TIPIN: variants seen among roughly 807,000 people sequenced by gnomAD.
TIPIN encodes TIMELESS interacting protein.
A neutral mutation model predicts 35.6 loss-of-function variants in TIPIN; 29 were observed. That is an observed-to-expected ratio of 0.82 (90% CI 0.61 to 1.11). TIPIN has a LOEUF of 1.11. TIPIN is among the 50% of genes most tolerant of loss of function. TIPIN has a pLI of 0.00. For missense variants in TIPIN, 296 were observed against 345.4 expected (o/e 0.86, Z 1.13); for synonymous variants, 102 against 121.5 (o/e 0.84, Z 1.06).
intron 6 of TIPIN, among the ~76,000 whole-genome samples, chr15:66,345,425 G>T (rs915506068): frequency 9.9e-5 from 15 of 152,012 alleles, no homozygotes; most frequent in Admixed American, 7.2e-4. Context: ...ACTAAATTTA[G>T]GCCGGGCACA....
intron 3 of TIPIN, 55 bp from the exon 4 acceptor site, chr15:66,351,655 T>TG (rs1555408403): frequency 1.4e-6 from 2 of 1,439,562 alleles, no homozygotes; most frequent in Non-Finnish European, 1.9e-6. Flanking sequence ...TTTTTTTTTT[T>TG]GAGACGGAGT....
chr15:66,359,708 A>T (rs1332300182), upstream of TIPIN, among the ~76,000 whole-genome samples: 2 of 152,172 alleles, frequency 1.3e-5, no homozygotes, highest in Admixed American at 1.3e-4. Flanking sequence ...TTGTTGAGAC[A>T]AGAGGCATTC....
At chr15:66,337,277 G>T (rs961353004) in intron 7 of TIPIN, 96 bp from the exon 8 acceptor site, 4 of 861,560 alleles carry the variant, frequency 4.6e-6, no homozygotes, top group Non-Finnish European at 7.0e-6. Context: ...TTAGTAAAAT[G>T]AAGTCTAAGA....
intron 1 of TIPIN, among the ~76,000 whole-genome samples, chr15:66,371,040 G>A (rs1161455381): frequency 3.3e-5 from 5 of 151,976 alleles, no homozygotes; most frequent in South Asian, 4.1e-4. Flanking sequence ...GTGAAACCTC[G>A]TCTCTACTAA....
rs1263932759 is a variant in TIPIN, at chr15:66,351,035, A to AT, written c.288+489dup. 3.9e-5 allele frequency among the ~76,000 whole-genome samples: 6 copies of AT among 151,996 alleles called. No individual in the cohort carries two copies. In the East Asian group the frequency reaches 1.2e-3, roughly 29 times the overall value. ...AATATACTATCATCTGCAAAAAATT[A>AT]TACCTACACTCCTACATAATTCAAA... On this transcript the variant is annotated intron_variant, in intron 4 of 7. Coordinates refer to ENST00000261881, the MANE Select transcript of TIPIN (RefSeq NM_017858.3).
At chr15:66,372,721 T>C (rs1485845423) in intron 1 of TIPIN, among the ~76,000 whole-genome samples, 1 of 151,962 alleles carries the variant, frequency 6.6e-6, no homozygotes, top group Admixed American at 6.6e-5. Context: ...CCGGCCAACA[T>C]GGTGAACTCT....
chr15:66,382,624 C>T (rs370384527), intron 1 of TIPIN, among the ~76,000 whole-genome samples: 7 of 151,788 alleles, frequency 4.6e-5, no homozygotes, highest in Admixed American at 2.0e-4. Flanking sequence ...ATCCACCTGC[C>T]TCAGCCTTCC....
At chr15:66,373,476 G>C (rs1379986661) in intron 1 of TIPIN, among the ~76,000 whole-genome samples, 1 of 147,102 alleles carries the variant, frequency 6.8e-6, no homozygotes, top group African/African-American at 2.6e-5. Flanking sequence ...CTGGGCGACA[G>C]AGCGAGACTC....
chr15:66,356,868 G>A (rs1350764207), upstream of TIPIN, among the ~76,000 whole-genome samples: 1 of 152,126 alleles, frequency 6.6e-6, no homozygotes, highest in Non-Finnish European at 1.5e-5. Flanking sequence ...GAGGAACTCA[G>A]TTAAGCCTCC....
At chr15:66,338,813 C>CAAAAAAA (rs35966273) in intron 7 of TIPIN, among the ~76,000 whole-genome samples, 9 of 35,220 alleles carry the variant, frequency 2.6e-4, no homozygotes, top group East Asian at 8.1e-4. Flanking sequence ...GACTCCGTCT[C>CAAAAAAA]AAAAAAAAAA....
In TIPIN at chr15:66,349,098, T is replaced by C. The variant is rs200514985; in HGVS notation, c.437A>G (p.Asp146Gly). ...AAAATCTTCATGTAAAATAGGGAGA[T>C]CAAGTCGAATTCGTTTTAAACAGGT... ...VQTCLKRIRL[D>G]LPILHEDFVS... The change falls in exon 6 of 8, where the codon GAT becomes GGT. Residue 146 changes from aspartate to glycine, a missense_variant. Coordinates refer to ENST00000261881, the MANE Select transcript of TIPIN (RefSeq NM_017858.3). The C allele has an allele frequency of 7.6e-5, 122 of 1,610,472 alleles. No homozygotes were observed. The highest frequency in any genetic ancestry group is 6.7e-5 in the Admixed American group (4 of 59,940).
rs963973471 is a variant in TIPIN at position 66,373,675 on chromosome 15, T to C, written c.-9+12932A>G. The stretch of plus-strand genomic sequence containing the variant: ...CCACATCATTATCAACATTTGATAT[T>C]GTCTTTTTCTTTTTTTATTAATTAA... On this transcript the variant is annotated intron_variant, in intron 1 of 7. Coordinates refer to the TIPIN transcript ENST00000562124. Among the ~76,000 whole-genome samples the C allele has an allele frequency of 1.4e-4, 22 of 152,136 alleles. No homozygotes were observed. In the Middle Eastern group the frequency reaches 0.014, roughly 94 times the overall value.
intron 1 of TIPIN, among the ~76,000 whole-genome samples, chr15:66,365,616 G>A (rs1275963328): frequency 6.6e-6 from 1 of 152,092 alleles, no homozygotes; most frequent in Non-Finnish European, 1.5e-5. Context: ...GCACGATCTC[G>A]GCTCACTGCA....
At position 66,375,388 on chromosome 15, in the gene TIPIN, G is replaced by T. The variant is rs188706244; in HGVS notation, c.-9+11219C>A. 2.7e-5 allele frequency among the ~76,000 whole-genome samples: 4 copies of T among 150,860 alleles called. No homozygotes were observed. In the East Asian group the frequency reaches 8.0e-4, roughly 30 times the overall value. Reference sequence around the variant, plus strand: ...AAGGGTCTTGCTATGTGGCCCAGGTGGGTCTTGAACTCCTGAGCTCAAGCG... The same window carrying T: ...AAGGGTCTTGCTATGTGGCCCAGGTTGGTCTTGAACTCCTGAGCTCAAGCG... On this transcript the variant is annotated intron_variant, in intron 1 of 7. Coordinates refer to the TIPIN transcript ENST00000562124.
At chr15:66,339,057 G>A (rs1057370307) in intron 7 of TIPIN, among the ~76,000 whole-genome samples, 4 of 144,944 alleles carry the variant, frequency 2.8e-5, no homozygotes, top group Admixed American at 7.2e-5. Context: ...GCTTGAACCC[G>A]GGAGGCAGAG....
At chr15:66,340,888 C>T (rs954064895) in intron 7 of TIPIN, among the ~76,000 whole-genome samples, 12 of 152,190 alleles carry the variant, frequency 7.9e-5, no homozygotes, top group Admixed American at 2.0e-4. Context: ...TGAGCCACCA[C>T]GCCTGGCCAG....
At chr15:66,367,222 A>ATATCTATATATCTATATCTG (rs1278520988) in intron 1 of TIPIN, among the ~76,000 whole-genome samples, 1 of 147,998 alleles carries the variant, frequency 6.8e-6, no homozygotes, top group Non-Finnish European at 1.5e-5. Context: ...ATCTATATCT[A>ATATCTATATATCTATATCTG]TATCTGTATC....
chr15:66,369,651 C>T (rs2093270853), intron 1 of TIPIN, among the ~76,000 whole-genome samples: 1 of 152,150 alleles, frequency 6.6e-6, no homozygotes. Context: ...CCCGGCCTTA[C>T]AATATCTTAA....
At chr15:66,384,749 C>T (rs2093330245) in intron 1 of TIPIN, among the ~76,000 whole-genome samples, 1 of 151,848 alleles carries the variant, frequency 6.6e-6, no homozygotes, top group Non-Finnish European at 1.5e-5. Flanking sequence ...CCTGTCTCTA[C>T]TAAAAATACA....
Sources: allele counts gnomAD v4.1 joint callset (sites outside exome capture counted in the v4.1 genomes callset), GRCh38; gene constraint gnomAD v4.1.1; transcripts MANE v1.5; gene names NCBI Gene and HGNC (gene_info 2026-07-23, HGNC 2026-07-21).